The following ACTR3C variants were observed in gnomAD, a reference collection of about 807,000 sequenced individuals.
ACTR3C encodes actin-related protein 3C.
Under a neutral mutation model 26.3 loss-of-function variants are expected in ACTR3C, and 18 were observed. The observed-to-expected ratio is 0.68, with a 90% CI of 0.47 to 1.01. The LOEUF (loss-of-function observed/expected upper bound fraction) is 1.01. Among genes scored for constraint, ACTR3C ranks in the 50% least tolerant of loss-of-function variants. The pLI, the probability that ACTR3C is intolerant of heterozygous loss-of-function variation, is 0.00. For missense variants in ACTR3C, 184 were observed against 250.7 expected (o/e 0.73, Z 1.80); for synonymous variants, 55 against 94.5 (o/e 0.58, Z 2.42).
At chr7:150,094,360 G>A in the ACTR3C span, among the ~76,000 whole-genome samples, 1 of 149,202 alleles carries the variant, frequency 6.7e-6, no homozygotes, top group African/African-American at 2.6e-5. Flanking sequence ...ACTGATTCTG[G>A]CCCTCCCTAG....
the ACTR3C span, among the ~76,000 whole-genome samples, chr7:149,999,378 C>T: frequency 2.0e-5 from 3 of 150,784 alleles, no homozygotes; most frequent in Non-Finnish European, 4.4e-5. Flanking sequence ...TTCAATCAGA[C>T]GGGTCCTGCC....
chr7:150,160,473 C>A, the ACTR3C span, among the ~76,000 whole-genome samples: 1 of 152,104 alleles, frequency 6.6e-6, no homozygotes, highest in Admixed American at 6.5e-5. Flanking sequence ...CCTAAAGGAC[C>A]AGGGGCATCA....
chr7:149,993,153 CTT>C, the ACTR3C span, among the ~76,000 whole-genome samples: 2 of 148,508 alleles, frequency 1.3e-5, no homozygotes, highest in Non-Finnish European at 3.0e-5. Flanking sequence ...GAGGATGGGT[CTT>C]CCTCTCCCAG....
the ACTR3C span, among the ~76,000 whole-genome samples, chr7:149,957,798 T>C: frequency 5.3e-5 from 8 of 151,898 alleles, no homozygotes; most frequent in Non-Finnish European, 1.2e-4. Flanking sequence ...TACCTTCTAT[T>C]GGTTCTGTTC....
intron 1 of ACTR3C, among the ~76,000 whole-genome samples, chr7:150,316,483 A>ATTT (rs35767189): frequency 3.8e-4 from 31 of 80,538 alleles, no homozygotes; most frequent in Non-Finnish European, 6.8e-4. Context: ...GAATCTGGTT[A>ATTT]TTTTTTTTTT....
At chr7:150,067,370 G>A in the ACTR3C span, among the ~76,000 whole-genome samples, 2 of 152,214 alleles carry the variant, frequency 1.3e-5, no homozygotes, top group African/African-American at 2.4e-5. Flanking sequence ...GAGAAAGAAA[G>A]AAGGAACACT....
the ACTR3C span, among the ~76,000 whole-genome samples, chr7:150,112,829 C>G: frequency 6.6e-6 from 1 of 152,150 alleles, no homozygotes; most frequent in Non-Finnish European, 1.5e-5. Context: ...TTTAGCTCCT[C>G]CTGGCATGCT....
the ACTR3C span, chr7:150,001,386 C>T: frequency 1.3e-5 from 2 of 152,286 alleles, no homozygotes; most frequent in African/African-American, 2.4e-5. Flanking sequence ...CTGCGGGAAA[C>T]GTTCTTTTAA....
At chr7:150,240,820 G>C (rs6962556), downstream of ACTR3C, among the ~76,000 whole-genome samples, 1 of 151,894 alleles carries the variant, frequency 6.6e-6, no homozygotes, top group African/African-American at 2.4e-5. Context: ...ACACTACGGG[G>C]TTTACAAATA....
the ACTR3C span, among the ~76,000 whole-genome samples, chr7:150,115,927 A>C: frequency 5.3e-5 from 8 of 152,342 alleles, no homozygotes; most frequent in East Asian, 1.3e-3. Flanking sequence ...AGACACTGGA[A>C]CAAATGGCAG....
chr7:150,068,484 A>T, the ACTR3C span, among the ~76,000 whole-genome samples: 1 of 152,090 alleles, frequency 6.6e-6, no homozygotes, highest in Admixed American at 6.5e-5. Context: ...TTTAATTCTG[A>T]TGCTTATAAG....
the ACTR3C span, among the ~76,000 whole-genome samples, chr7:150,045,596 T>C: frequency 3.3e-5 from 5 of 149,644 alleles, no homozygotes; most frequent in African/African-American, 1.2e-4. Flanking sequence ...AGGACTTACA[T>C]CTAAGTTAGA....
the ACTR3C span, among the ~76,000 whole-genome samples, chr7:150,188,405 A>C: frequency 1.3e-5 from 2 of 151,522 alleles, no homozygotes; most frequent in Non-Finnish European, 2.9e-5. Context: ...ACTATGAATA[A>C]AGTTGCTGTA....
chr7:150,125,007 C>T, the ACTR3C span, among the ~76,000 whole-genome samples: 6 of 152,306 alleles, frequency 3.9e-5, no homozygotes, highest in South Asian at 2.1e-4. Context: ...TTTGATTTCA[C>T]GCTTTTTGAC....
At chr7:150,198,271 C>T in the ACTR3C span, among the ~76,000 whole-genome samples, 1 of 149,510 alleles carries the variant, frequency 6.7e-6, no homozygotes, top group East Asian at 2.0e-4. Flanking sequence ...GCCACCCCGT[C>T]TGGGAAGTGA....
At chr7:150,311,737 C>T (rs1446896341) in intron 1 of ACTR3C, among the ~76,000 whole-genome samples, 4 of 152,220 alleles carry the variant, frequency 2.6e-5, no homozygotes, top group Admixed American at 6.5e-5. Context: ...AGCCAAATCT[C>T]GCCAGCTAAA....
chr7:150,004,241 T>C, the ACTR3C span, among the ~76,000 whole-genome samples: 67 of 151,424 alleles, frequency 4.4e-4, no homozygotes, highest in Non-Finnish European at 4.4e-4. Context: ...GTGGGGTGTG[T>C]ATTATGTGAT....
chr7:149,916,934 C>A, the ACTR3C span, among the ~76,000 whole-genome samples: 1 of 152,178 alleles, frequency 6.6e-6, no homozygotes, highest in Non-Finnish European at 1.5e-5. Flanking sequence ...TATGTTATAG[C>A]TCAAAATTCA....
intron 6 of ACTR3C, among the ~76,000 whole-genome samples, chr7:150,263,106 C>T (rs1424675909): frequency 2.0e-5 from 3 of 151,876 alleles, no homozygotes; most frequent in East Asian, 1.9e-4. Flanking sequence ...AGTAGGAAGT[C>T]GGAAGAGATG....
Sources: allele counts gnomAD v4.1 joint callset (sites outside exome capture counted in the v4.1 genomes callset), GRCh38; gene constraint gnomAD v4.1.1; transcripts MANE v1.5; gene names NCBI Gene and HGNC (gene_info 2026-07-23, HGNC 2026-07-21).